The following KCTD2 variants were observed in gnomAD, a reference collection of about 807,000 sequenced individuals.
KCTD2 encodes potassium channel tetramerization domain containing 2.
KCTD2 carries 18 observed loss-of-function variants against 27.9 expected under a neutral mutation model. The ratio of observed to expected loss-of-function variants is 0.64; its 90% CI spans 0.45 to 0.96. KCTD2 has a LOEUF of 0.96. Among genes scored for constraint, KCTD2 ranks in the 40% least tolerant of loss-of-function variants. KCTD2 has a pLI of 0.00. For missense variants in KCTD2, 280 were observed against 348.0 expected, an observed-to-expected ratio of 0.80 and a Z score of 1.56; for synonymous variants, 175 against 148.4, an observed-to-expected ratio of 1.18 and a Z score of -1.30.
At chr17:75,047,796 C>T (rs1334767227) in intron 1 of KCTD2, among the ~76,000 whole-genome samples, 2 of 152,084 alleles carry the variant, frequency 1.3e-5, no homozygotes, top group Admixed American at 1.3e-4. Context: ...CTGGCTTTCT[C>T]CCCGACCCCG....
chr17:75,035,097 G>C (rs185254546), intron 2 of KCTD2: 5 of 152,326 alleles, frequency 3.3e-5, no homozygotes, highest in African/African-American at 9.6e-5. Context: ...CTCTCTAGGA[G>C]GTAGCTGCAG....
chr17:75,056,898 C>T (rs978364550), intron 3 of KCTD2, among the ~76,000 whole-genome samples: 1 of 151,368 alleles, frequency 6.6e-6, no homozygotes, highest in African/African-American at 2.4e-5. Flanking sequence ...GACCTCTTAG[C>T]TCTTAGTGGC....
At chr17:75,034,516 T>A (rs752207938) in intron 2 of KCTD2, among the ~76,000 whole-genome samples, 1 of 152,128 alleles carries the variant, frequency 6.6e-6, no homozygotes, top group Admixed American at 6.5e-5. Flanking sequence ...GGTAAGACGC[T>A]AAACCCACGT....
At chr17:75,042,037 G>A (rs10512598) in intron 3 of KCTD2, 65,314 of 651,438 alleles carry the variant, frequency 0.1, 8,583 homozygotes, top group East Asian at 0.6. Context: ...CAGTTCAATC[G>A]ACCACAAGGC....
intron 3 of KCTD2, among the ~76,000 whole-genome samples, chr17:75,053,857 G>GTTTTTTTTTTTTTTTTTT (rs1567992373): frequency 1.3e-5 from 1 of 79,532 alleles, no homozygotes; most frequent in African/African-American, 8.2e-5. Flanking sequence ...TGTGAACCAT[G>GTTTTTTTTTTTTTTTTTT]CTTTTTTTTT....
chr17:75,048,372 G>A (rs1035947149), intron 1 of KCTD2, among the ~76,000 whole-genome samples: 1 of 151,942 alleles, frequency 6.6e-6, no homozygotes, highest in African/African-American at 2.4e-5. Flanking sequence ...CAACTTAAAG[G>A]CACTGACCAT....
Position 75,047,227 on chromosome 17 carries a change from C to T in KCTD2, c.-24C>T, listed in dbSNP as rs993513051. 2.5e-6 allele frequency: 2 copies of T among 801,068 alleles called. No individual in the cohort carries two copies. Among genetic ancestry groups the T allele is most frequent in the Admixed American group, 4.6e-5 (1 of 21,808 alleles). 49.6% of individuals were successfully genotyped at this position (801,068 alleles called of 1,614,324 possible). ...GGCCGGCCCGGCTGCGCGCGGGCAG[C>T]AGCGGTGGCGGCGGCGGTCCAAGAT... On this transcript the variant is annotated 5_prime_UTR_variant, in exon 1 of 6. Transcript: ENST00000322444.
chr17:75,034,387 G>T (rs1038477471), intron 2 of KCTD2, among the ~76,000 whole-genome samples: 3 of 152,116 alleles, frequency 2.0e-5, no homozygotes, highest in Admixed American at 2.0e-4. Context: ...GAGGTCTCTG[G>T]CTGCCGGCAC....
chr17:75,039,210 T>G (rs1383053241), intron 3 of KCTD2: 2 of 1,613,990 alleles, frequency 1.2e-6, no homozygotes, highest in South Asian at 1.1e-5. Context: ...CATCCTTACC[T>G]CTTTCTCATA....
intron 3 of KCTD2, chr17:75,038,808 A>G: frequency 8.6e-7 from 1 of 1,164,772 alleles, no homozygotes; most frequent in South Asian, 1.7e-5. Context: ...CAGTGAGGCC[A>G]GCTCAGAAGA....
In KCTD2 at chr17:75,059,614, C is replaced by G. The variant is rs772913499; in HGVS notation, c.636+9C>G. The G allele has an allele frequency of 2.5e-6, 4 of 1,607,110 alleles. No individual in the cohort carries two copies. In the South Asian group the frequency reaches 4.4e-5, roughly 18 times the overall value. ...GCTGGAAATTCGAACAGGTACATCT[C>G]TTAACAGAGCAGCAATCCCAGGCCC... On this transcript the variant is annotated intron_variant, in intron 4 of 5. Transcript: ENST00000322444.
At chr17:75,048,006 A>G (rs1358833213) in intron 1 of KCTD2, among the ~76,000 whole-genome samples, 2 of 152,146 alleles carry the variant, frequency 1.3e-5, no homozygotes, top group Non-Finnish European at 2.9e-5. Flanking sequence ...GCATCCTTGT[A>G]GCTTTCTCAG....
rs146461671 is a variant in KCTD2 at position 75,035,592 on chromosome 17, G to T, written c.-259+235G>T. On this transcript the variant is annotated intron_variant, in intron 3 of 7. Transcript: ENST00000581589. ...TCCCAACACTTTGGGAGGCTGAGGC[G>T]GGCGGATCACGAGGTCAAAGTTCGA... Among the ~76,000 whole-genome samples, 294 of 152,212 alleles carry T rather than the reference G, an allele frequency of 1.9e-3. 2 individuals are homozygous for T. The highest frequency in any genetic ancestry group is 6.6e-3 in the African/African-American group (272 of 41,514).
intron 3 of KCTD2, among the ~76,000 whole-genome samples, chr17:75,036,971 G>C (rs2073107660): frequency 6.6e-6 from 1 of 152,134 alleles, no homozygotes; most frequent in East Asian, 1.9e-4. Flanking sequence ...CATGCACCCA[G>C]GCTCTCCTCT....
At chr17:75,036,336 T>G (rs1452456639) in intron 3 of KCTD2, among the ~76,000 whole-genome samples, 2 of 152,118 alleles carry the variant, frequency 1.3e-5, no homozygotes, top group Non-Finnish European at 2.9e-5. Flanking sequence ...TTAGCCAGGA[T>G]GGTCTCAATT....
chr17:75,061,838 G>C (rs760556467), intron 4 of KCTD2, among the ~76,000 whole-genome samples: 1 of 152,006 alleles, frequency 6.6e-6, no homozygotes. Flanking sequence ...TCGACGGGGC[G>C]TGGGCATGTT....
rs2073409622 is a variant in KCTD2 at position 75,062,122 on chromosome 17, C to T, written c.639C>T (p.Leu213=). Residue 213 remains leucine, a splice_region_variant and synonymous_variant, in exon 5 of 6, where the codon CTC becomes CTT. Coordinates refer to ENST00000322444, the MANE Select transcript of KCTD2 (RefSeq NM_015353.3). ...TMSDGWKFEQ[L]ISIGSSYNYG... is the part of the protein sequence containing the mutation. ...TCACTGTATTCTTGGTTCATCAGCT[C>T]ATCAGCATCGGATCTTCCTATAACT... is the stretch of plus-strand genomic sequence containing the variant. The T allele has an allele frequency of 1.2e-6, 2 of 1,614,034 alleles. No individual in the cohort carries two copies. Among genetic ancestry groups the T allele is most frequent in the Middle Eastern group, 1.6e-4 (1 of 6,062 alleles).
At chr17:75,035,634 A>T (rs2040108688) in intron 3 of KCTD2, among the ~76,000 whole-genome samples, 2 of 152,188 alleles carry the variant, frequency 1.3e-5, no homozygotes, top group South Asian at 4.1e-4. Flanking sequence ...CCTGACCAAC[A>T]TGGTGAAACC....
rs1202338156 is a variant in KCTD2 at position 75,047,237 on chromosome 17, G to C, written c.-14G>C. 1.1e-6 allele frequency: 1 copy of C among 903,060 alleles called. No individual in the cohort carries two copies. The highest frequency in any genetic ancestry group is 3.7e-5 in the South Asian group (1 of 26,882). 55.9% of individuals were successfully genotyped at this position (903,060 alleles called of 1,614,324 possible). A position where few individuals can be genotyped will look rare whatever the true frequency, so the allele number is the denominator to read the frequency against. On this transcript the variant is annotated 5_prime_UTR_variant, in exon 1 of 6. Coordinates refer to ENST00000322444, the MANE Select transcript of KCTD2 (RefSeq NM_015353.3). Reference sequence around the variant, plus strand: ...GCTGCGCGCGGGCAGCAGCGGTGGCGGCGGCGGTCCAAGATGGCGGAACTG... The same window carrying C: ...GCTGCGCGCGGGCAGCAGCGGTGGCCGCGGCGGTCCAAGATGGCGGAACTG...
Sources: allele counts gnomAD v4.1 joint callset (sites outside exome capture counted in the v4.1 genomes callset), GRCh38; gene constraint gnomAD v4.1.1; transcripts MANE v1.5; gene names NCBI Gene and HGNC (gene_info 2026-07-23, HGNC 2026-07-21).